GIT2: variants seen among roughly 807,000 people sequenced by gnomAD.
The protein encoded by GIT2 is GIT ArfGAP 2, also known as ARF GTPase-activating protein GIT2.
A neutral mutation model predicts 100.3 loss-of-function variants in GIT2; 32 were observed. The observed-to-expected ratio is 0.32, with a 90% CI of 0.24 to 0.43. The LOEUF (loss-of-function observed/expected upper bound fraction) is 0.43. GIT2 is among the 20% of genes least tolerant of loss of function. GIT2 has a pLI of 1.00. For missense variants in GIT2, 737 were observed against 975.1 expected, an observed-to-expected ratio of 0.76 and a Z score of 3.25; for synonymous variants, 353 against 364.1, an observed-to-expected ratio of 0.97 and a Z score of 0.35.
In GIT2 at chr12:109,947,827, A is replaced by G; in HGVS notation, c.1393-323T>C. Reference sequence around the variant, plus strand: ...TGGGAAATGTTTGCAGGCAAGCTGTACACTGGATTATTACTAAGGCTGTTT... The same window carrying G: ...TGGGAAATGTTTGCAGGCAAGCTGTGCACTGGATTATTACTAAGGCTGTTT... On this transcript the variant is annotated intron_variant, in intron 14 of 19. Coordinates refer to ENST00000355312, the MANE Select transcript of GIT2 (RefSeq NM_057169.5). The surrounding 1 kb of genome is among the most constrained non-coding windows in gnomAD (Gnocchi z 4.3). 1 of 292,886 alleles carries G rather than the reference A, an allele frequency of 3.4e-6. No homozygotes were observed. Among genetic ancestry groups the G allele is most frequent in the Non-Finnish European group, 6.6e-6 (1 of 152,650 alleles). The allele number at this position is 292,886 out of a possible 1,614,324, so 18.1% of individuals were successfully genotyped here.
At chr12:109,956,779 G>A (rs1879603255) in intron 12 of GIT2, among the ~76,000 whole-genome samples, 1 of 152,144 alleles carries the variant, frequency 6.6e-6, no homozygotes, top group Non-Finnish European at 1.5e-5. Context: ...CACTTTGGGA[G>A]GCTGAGGTGG....
At chr12:109,980,699 A>T (rs535477308) in intron 7 of GIT2, among the ~76,000 whole-genome samples, 1 of 152,308 alleles carries the variant, frequency 6.6e-6, no homozygotes, top group East Asian at 1.9e-4. Flanking sequence ...TGCTTTGATT[A>T]TTCAGTCTGA....
intron 7 of GIT2, among the ~76,000 whole-genome samples, chr12:109,974,125 G>A (rs551284805): frequency 6.6e-6 from 1 of 152,300 alleles, no homozygotes; most frequent in African/African-American, 2.4e-5. Flanking sequence ...TCTAAGCATT[G>A]CTTTGGCTGC....
chr12:109,938,537 C>T lies in GIT2; in HGVS notation c.1846G>A (p.Val616Met). 6.2e-7 allele frequency: 1 copy of T among 1,607,472 alleles called. No individual in the cohort carries two copies. The highest frequency in any genetic ancestry group is 1.1e-5 in the South Asian group (1 of 90,128). ...SSRKGRQRSMVWPGDGLVPDT... is the reference protein window; with the variant it reads ...SSRKGRQRSMMWPGDGLVPDT... ...GGTACCAAGCCATCCCCTGGCCACACCATACTTCTTTGCCGTCCCTTTCGG... is the reference window on the plus strand; with the variant it reads ...GGTACCAAGCCATCCCCTGGCCACATCATACTTCTTTGCCGTCCCTTTCGG... Residue 616 changes from valine (V) to methionine (M), a missense_variant, in exon 18 of 20, where the codon GTG becomes ATG. By Grantham distance (21) the Val-to-Met change is conservative (BLOSUM62 1). Transcript: ENST00000355312.
At chr12:109,993,354 C>G (rs558350466) in intron 1 of GIT2, among the ~76,000 whole-genome samples, 1 of 152,296 alleles carries the variant, frequency 6.6e-6, no homozygotes, top group Middle Eastern at 3.4e-3. Flanking sequence ...AATGCATGTA[C>G]ACCATCTTTA....
At position 109,966,414 on chromosome 12, in the gene GIT2, C is replaced by T. The variant is rs954713762; in HGVS notation, c.765-837G>A. ...GTCCCAGCAACTCGGGAGGCGGAGA[C>T]AGGAGAATTGCTTGAACCTGGGAGG... On this transcript the variant is annotated intron_variant, in intron 8 of 19. Coordinates refer to ENST00000355312, the MANE Select transcript of GIT2 (RefSeq NM_057169.5). Among the ~76,000 whole-genome samples, 44 of 142,858 alleles carry T rather than the reference C, an allele frequency of 3.1e-4. 1 individual carries two copies. Among genetic ancestry groups the T allele is most frequent in the Non-Finnish European group, 7.5e-5 (5 of 67,000 alleles). 93.7% of individuals were successfully genotyped at this position (142,858 alleles called of 152,430 possible).
chr12:109,983,386 C>A lies in GIT2; in HGVS notation c.610G>T (p.Val204Phe). 6.2e-7 allele frequency: 1 copy of A among 1,613,536 alleles called. No homozygotes were observed. The highest frequency in any genetic ancestry group is 8.5e-7 in the Non-Finnish European group (1 of 1,179,792). The change falls in exon 6 of 20, where the codon GTT (valine) becomes TTT (phenylalanine). Residue 204 changes from valine (V) to phenylalanine (F), a missense_variant. Transcript: ENST00000355312. ...GTQDSSGKTP[V>F]DYARQGGHHE... ...TAGGTCTCTTACCTTGCATAATCAA[C>A]GGGAGTTTTCCCACTAGAATCCTGT... is the stretch of plus-strand genomic sequence containing the variant.
Position 109,948,000 on chromosome 12 carries a change from C to A in GIT2, c.1393-496G>T, listed in dbSNP as rs1876802103. 1 of 367,938 alleles carries A rather than the reference C, an allele frequency of 2.7e-6. No homozygotes were observed. The highest frequency in any genetic ancestry group is 2.2e-5 in the African/African-American group (1 of 45,324). 22.8% of individuals were successfully genotyped at this position (367,938 alleles called of 1,614,324 possible). A position where few individuals can be genotyped will look rare whatever the true frequency, so the allele number is the denominator to read the frequency against. Reference sequence around the variant, plus strand: ...GGGTTGCTTTGCAAAGCAAGAAAGACAGAAGTTCAGCTTGTGAAAAATCAG... The same window carrying A: ...GGGTTGCTTTGCAAAGCAAGAAAGAAAGAAGTTCAGCTTGTGAAAAATCAG... On this transcript the variant is annotated intron_variant, in intron 14 of 19. Transcript: ENST00000355312. The surrounding 1 kb of genome is among the most constrained non-coding windows in gnomAD (Gnocchi z 4.3).
At position 109,962,829 on chromosome 12, in the gene GIT2, T is replaced by G. The variant is rs185955281; in HGVS notation, c.817-1144A>C. 6.6e-6 allele frequency among the ~76,000 whole-genome samples: 1 copy of G among 152,206 alleles called. No homozygotes were observed. The highest frequency in any genetic ancestry group is 2.4e-5 in the African/African-American group (1 of 41,456). On this transcript the variant is annotated intron_variant, in intron 9 of 19. Coordinates refer to ENST00000355312, the MANE Select transcript of GIT2 (RefSeq NM_057169.5). The surrounding 1 kb of genome is among the most constrained non-coding windows in gnomAD (Gnocchi z 4.3). Reference sequence around the variant, plus strand: ...CACTGGCTGGCCAGAAGGGATTTAATGCAGCAATTTAAAATGCTGGCTACA... The same window carrying G: ...CACTGGCTGGCCAGAAGGGATTTAAGGCAGCAATTTAAAATGCTGGCTACA...
At position 109,947,481 on chromosome 12, in the gene GIT2, A is replaced by G. The variant is rs369483979; in HGVS notation, c.1416T>C (p.Asn472=). 5.6e-5 allele frequency: 91 copies of G among 1,613,798 alleles called. No individual in the cohort carries two copies. Among genetic ancestry groups the G allele is most frequent in the Middle Eastern group, 4.9e-4 (3 of 6,084 alleles). ...TTGTGGCCTGTTTCCTGAGGTTCGA[A>G]TTTTCACTCTGGAGTGTTTGAAGCT... ...QKKLQTLQSE[N]SNLRKQATTN... Residue 472 remains asparagine, a synonymous_variant, in exon 15 of 20, where the codon AAT becomes AAC. Transcript: ENST00000355312. This position sits in a 1 kb window ranked among gnomAD's most constrained non-coding sequence, Gnocchi z 4.3.
chr12:109,991,881 C>T, intron 1 of GIT2, 121 bp from the exon 2 acceptor site: 1 of 754,710 alleles, frequency 1.3e-6, no homozygotes, highest in Admixed American at 2.3e-5. Context: ...TCAGTATGCT[C>T]ATCAATGCAT....
rs910978013 is a variant in GIT2, at chr12:109,948,922, T to C, written c.1393-1418A>G. The C allele has an allele frequency of 2.1e-6, 2 of 970,336 alleles. No individual in the cohort carries two copies. Among genetic ancestry groups the C allele is most frequent in the Non-Finnish European group, 1.6e-6 (1 of 626,830 alleles). The allele number at this position is 970,336 out of a possible 1,614,324, so 60.1% of individuals were successfully genotyped here. Reference sequence around the variant, plus strand: ...TGTATATTAAAAACTTTACCCAACTTTGAAATATAATCAATACATCTTTGC... The same window carrying C: ...TGTATATTAAAAACTTTACCCAACTCTGAAATATAATCAATACATCTTTGC... On this transcript the variant is annotated intron_variant, in intron 14 of 19. Transcript: ENST00000355312. This position sits in a 1 kb window ranked among gnomAD's most constrained non-coding sequence, Gnocchi z 4.3.
intron 8 of GIT2, chr12:109,965,784 G>A (rs550755279): frequency 2.8e-6 from 2 of 705,264 alleles, no homozygotes; most frequent in South Asian, 2.8e-5. Flanking sequence ...CCACAATCAT[G>A]TAAGTGTTAA....
upstream of GIT2, chr12:109,997,611 T>C (rs1476507000): frequency 3.9e-5 from 6 of 152,190 alleles, no homozygotes; most frequent in African/African-American, 1.4e-4. Flanking sequence ...AAGAAGAATA[T>C]GCGACAAAAC....
chr12:109,953,105 G>A lies in GIT2; in HGVS notation c.1229C>T (p.Thr410Ile). 6.2e-7 allele frequency: 1 copy of A among 1,614,146 alleles called. No individual in the cohort carries two copies. The highest frequency in any genetic ancestry group is 8.5e-7 in the Non-Finnish European group (1 of 1,180,016). ...ATGGCCTCTCACCTTCTGCCGGTTT[G>A]TTTTGCTTGCAGTGGTTTCCAAATC... ...DTDLETTASKTNRQKSLDSDL... is the reference protein window; with the variant it reads ...DTDLETTASKINRQKSLDSDL... Residue 410 changes from threonine (T) to isoleucine (I), a missense_variant, in exon 13 of 20, where the codon ACA (threonine) becomes ATA (isoleucine). This residue lies in a region of GIT2 where 451 missense variants were observed against 543.7 expected (regional missense o/e 0.83). Coordinates refer to ENST00000355312, the MANE Select transcript of GIT2 (RefSeq NM_057169.5).
chr12:109,983,209 C>G, intron 6 of GIT2, 164 bp downstream of exon 6: 1 of 618,450 alleles, frequency 1.6e-6, no homozygotes, highest in South Asian at 2.2e-5. Flanking sequence ...CTCAACTTTG[C>G]CAGGCTGAGC....
chr12:109,961,205 T>C (rs1593038019), intron 11 of GIT2, 73 bp downstream of exon 11: 1 of 856,642 alleles, frequency 1.2e-6, no homozygotes, highest in African/African-American at 1.7e-5. Flanking sequence ...TTTAGAATAG[T>C]TTTCCTGGGA....
At chr12:109,964,156 A>G (rs1881717890) in intron 9 of GIT2, among the ~76,000 whole-genome samples, 1 of 152,212 alleles carries the variant, frequency 6.6e-6, no homozygotes, top group Non-Finnish European at 1.5e-5. Flanking sequence ...ATTGTGAGTA[A>G]TTAAAAGGAA....
chr12:109,946,133 C>CA (rs1046899892), intron 15 of GIT2, among the ~76,000 whole-genome samples: 62 of 146,390 alleles, frequency 4.2e-4, no homozygotes, highest in Non-Finnish European at 3.8e-4. Flanking sequence ...GACTCCATCT[C>CA]AAAAAAAAAA....
Sources: gnomAD v4.1 joint callset for allele counts (sites outside exome capture counted in the v4.1 genomes callset) on GRCh38, gnomAD v4.1.1 for gene constraint, gnomAD v4.1.1 regional missense constraint, Gnocchi (gnomAD v3.1) non-coding constraint, MANE v1.5 for transcripts, NCBI Gene and HGNC (gene_info 2026-07-23, HGNC 2026-07-21) for gene names.